Variants in SRP19 observed in about 807,000 individuals in gnomAD.
SRP19 encodes the protein signal recognition particle 19 kDa protein.
In SRP19, 11 loss-of-function variants were observed where a neutral mutation model predicts 22.4. The ratio of observed to expected loss-of-function variants is 0.49; its 90% CI spans 0.31 to 0.81. The LOEUF (loss-of-function observed/expected upper bound fraction) is 0.81. Among genes scored for constraint, SRP19 ranks in the 40% least tolerant of loss-of-function variants. SRP19 has a pLI of 0.05. For synonymous variants in SRP19, 61 were observed against 57.6 expected (o/e 1.06, Z -0.27); for missense variants, 168 against 175.9 (o/e 0.96, Z 0.25).
rs765632308 is a variant in SRP19 at position 112,892,516 on chromosome 5, A to C, written c.*909A>C. The C allele has an allele frequency of 3.7e-6, 6 of 1,614,226 alleles. No homozygotes were observed. The South Asian group carries it at 5.5e-5, about 15-fold the overall frequency. Reference sequence around the variant, plus strand: ...ATGCCAAGCAGCCCTTTCTCTGTTTAACGGACGATGGTATGCAGGACGACA... The same window carrying C: ...ATGCCAAGCAGCCCTTTCTCTGTTTCACGGACGATGGTATGCAGGACGACA... On this transcript the variant is annotated 3_prime_UTR_variant, in exon 5 of 5. Coordinates refer to the SRP19 transcript ENST00000391338.
downstream of SRP19, among the ~76,000 whole-genome samples, chr5:112,871,118 C>T (rs115363750): frequency 1.3e-5 from 2 of 152,128 alleles, no homozygotes; most frequent in African/African-American, 4.8e-5. Context: ...AATTTCTATT[C>T]GTTTTTTAAG....
chr5:112,878,772 C>A, intron 4 of SRP19: 1 of 1,614,086 alleles, frequency 6.2e-7, no homozygotes, highest in Non-Finnish European at 8.5e-7. Context: ...CAGGAAGTTT[C>A]CATCCAGTCT....
downstream of SRP19, among the ~76,000 whole-genome samples, chr5:112,870,048 T>G (rs935328168): frequency 1.3e-5 from 2 of 152,172 alleles, no homozygotes; most frequent in African/African-American, 4.8e-5. Flanking sequence ...GTGGAAATTG[T>G]CAGTCTCTCT....
At chr5:112,892,997 A>T in exon 5 of SRP19, 1 of 1,578,382 alleles carries the variant, frequency 6.3e-7, no homozygotes, top group African/African-American at 1.4e-5. Context: ...AGCCGGAGCC[A>T]AAGTTCCTCT....
chr5:112,887,675 C>G (rs1768302561), intron 4 of SRP19, among the ~76,000 whole-genome samples: 1 of 152,068 alleles, frequency 6.6e-6, no homozygotes, highest in South Asian at 2.1e-4. Flanking sequence ...TTTGGTGGAC[C>G]TCAGTTTTGG....
chr5:112,887,267 G>C, intron 4 of SRP19: 1 of 1,256,166 alleles, frequency 8.0e-7, no homozygotes, highest in Admixed American at 2.7e-5. Context: ...CACTACTCTG[G>C]GGATGGGAGA....
At chr5:112,890,587 G>A (rs947465667) in intron 4 of SRP19, among the ~76,000 whole-genome samples, 7 of 149,296 alleles carry the variant, frequency 4.7e-5, no homozygotes, top group East Asian at 2.1e-4. Context: ...CATGTTGGCC[G>A]GGCTGGTCTC....
chr5:112,861,542 G>C, intron 1 of SRP19, 125 bp downstream of exon 1: 1 of 1,018,598 alleles, frequency 9.8e-7, no homozygotes, highest in South Asian at 1.6e-5. Flanking sequence ...GCTCTGTACG[G>C]GCCCCGCGCC....
At chr5:112,898,325 G>A (rs865906593) in exon 4 of SRP19, 7 of 152,188 alleles carry the variant, frequency 4.6e-5, no homozygotes, top group Non-Finnish European at 1.0e-4. Context: ...TTTCAAGTAT[G>A]TTATCTATTT....
chr5:112,878,760 G>C (rs772792172), intron 4 of SRP19: 8 of 1,613,992 alleles, frequency 5.0e-6, no homozygotes, highest in Non-Finnish European at 5.9e-6. Flanking sequence ...GTACAGAGAG[G>C]GCAGGAAGTT....
rs2150027552 is a variant in SRP19, at chr5:112,867,461, A to G, written c.359A>G (p.Gln120Arg). The change falls in exon 5 of 5, where the codon CAA (glutamine) becomes CGA (arginine). Residue 120 changes from glutamine to arginine, a missense_variant. Physicochemically the swap from Gln to Arg is conservative, Grantham distance 43. Transcript: ENST00000505459. ...EMIPKLKTRT[Q>R]KTGGADQSLQ... The stretch of plus-strand genomic sequence containing the variant: ...ATACCTAAACTAAAAACAAGGACAC[A>G]AAAAACAGGAGGTGCTGACCAAAGT... 6.2e-7 allele frequency: 1 copy of G among 1,614,038 alleles called. No homozygotes were observed. Among genetic ancestry groups the G allele is most frequent in the Non-Finnish European group, 8.5e-7 (1 of 1,179,964 alleles).
intron 4 of SRP19, among the ~76,000 whole-genome samples, chr5:112,885,950 C>A (rs1768229598): frequency 2.0e-5 from 3 of 152,204 alleles, no homozygotes; most frequent in Non-Finnish European, 4.4e-5. Context: ...CAGCCACTGC[C>A]CGAAGCCATC....
chr5:112,874,978 G>T (rs974926880), intron 4 of SRP19, among the ~76,000 whole-genome samples: 1 of 152,086 alleles, frequency 6.6e-6, no homozygotes, highest in Admixed American at 6.5e-5. Context: ...GTTTCACCAT[G>T]TTGGCCAGGC....
At chr5:112,861,696 A>G (rs980730503) in intron 1 of SRP19, among the ~76,000 whole-genome samples, 2 of 152,232 alleles carry the variant, frequency 1.3e-5, no homozygotes, top group African/African-American at 2.4e-5. Context: ...GATATCAAGT[A>G]ATATAATCAC....
At chr5:112,894,483 A>G (rs1371005155), downstream of SRP19, 1 of 152,232 alleles carries the variant, frequency 6.6e-6, no homozygotes, top group African/African-American at 2.4e-5. Flanking sequence ...AGGAAAAGCT[A>G]TACATCCCCA....
chr5:112,892,712 C>G lies in SRP19; in HGVS notation c.*1105C>G, dbSNP rs759009328. 1.9e-6 allele frequency: 3 copies of G among 1,613,980 alleles called. No individual in the cohort carries two copies. The Admixed American group carries it at 5.0e-5, about 27-fold the overall frequency. On this transcript the variant is annotated 3_prime_UTR_variant, in exon 5 of 5. Coordinates refer to the SRP19 transcript ENST00000391338. ...GACATCTACTTGTCTTCAGATCAGA[C>G]TGGCTCCTCCTTTGGCAAGAACTCC...
At chr5:112,883,121 A>C (rs933399169) in intron 4 of SRP19, among the ~76,000 whole-genome samples, 2 of 152,034 alleles carry the variant, frequency 1.3e-5, no homozygotes, top group Non-Finnish European at 2.9e-5. Flanking sequence ...TGTTTCTCCT[A>C]CCTTAAGAAA....
intron 1 of SRP19, 181 bp from the exon 2 acceptor site, chr5:112,862,327 A>T (rs1767432379): frequency 6.1e-6 from 4 of 658,024 alleles, no homozygotes; most frequent in South Asian, 1.6e-5. Context: ...TAGTTGCTCG[A>T]GGGGACCACT....
At chr5:112,889,672 T>C (rs1391506513) in intron 4 of SRP19, among the ~76,000 whole-genome samples, 3 of 150,368 alleles carry the variant, frequency 2.0e-5, no homozygotes, top group East Asian at 4.0e-4. Flanking sequence ...TCTGCAATCA[T>C]AGATTTTAAC....
Sources: allele counts gnomAD v4.1 joint callset (sites outside exome capture counted in the v4.1 genomes callset), GRCh38; gene constraint gnomAD v4.1.1; transcripts MANE v1.5; gene names NCBI Gene and HGNC (gene_info 2026-07-23, HGNC 2026-07-21).